Variants in UTP18 observed in about 807,000 individuals in gnomAD.
UTP18 encodes U3 small nucleolar RNA-associated protein 18 homolog.
UTP18 carries 36 observed loss-of-function variants against 61.1 expected under a neutral mutation model. That is an observed-to-expected ratio of 0.59 (90% CI 0.45 to 0.78). The LOEUF (loss-of-function observed/expected upper bound fraction) is 0.78. Ranked by LOEUF, UTP18 falls within the 30% of genes least tolerant of loss-of-function variation. The pLI, the probability that UTP18 is intolerant of heterozygous loss-of-function variation, is 0.00. For missense variants in UTP18, 753 were observed against 693.9 expected (o/e 1.09, Z -0.96); for synonymous variants, 282 against 251.1 (o/e 1.12, Z -1.16).
At position 51,288,054 on chromosome 17, in the gene UTP18, T is replaced by C. The variant is rs1327093511; in HGVS notation, c.1354T>C (p.Tyr452His). The C allele has an allele frequency of 6.3e-7, 1 of 1,595,558 alleles. No homozygotes were observed. The highest frequency in any genetic ancestry group is 8.5e-7 in the Non-Finnish European group (1 of 1,175,308). ...TTCTAATTGTGGAGTGGTAAATATA[T>C]ACAATCAAGATTCTTGTCTCCAAGA... ...CGSNCGVVNIYNQDSCLQETN... is the reference protein window; with the variant it reads ...CGSNCGVVNIHNQDSCLQETN... Residue 452 changes from tyrosine (Y) to histidine (H), a missense_variant, in exon 11 of 14, where the codon TAC becomes CAC. By Grantham distance (83) the Tyr-to-His change is moderately conservative. Coordinates refer to ENST00000225298, the MANE Select transcript of UTP18 (RefSeq NM_016001.3).
At chr17:51,260,970 G>A (rs1482827549) in intron 1 of UTP18, 44 bp downstream of exon 1, 4 of 1,424,052 alleles carry the variant, frequency 2.8e-6, no homozygotes, top group Non-Finnish European at 3.7e-6. Context: ...CTCGGGCGGG[G>A]CGCGCGGTGG....
chr17:51,273,225 A>C (rs1175904744), intron 4 of UTP18, 137 bp from the exon 5 acceptor site: 1 of 481,110 alleles, frequency 2.1e-6, no homozygotes, highest in East Asian at 3.6e-5. Flanking sequence ...TGCCAGTTGC[A>C]GCTTTAAAAA....
At chr17:51,285,828 A>G (rs1163807190) in intron 10 of UTP18, among the ~76,000 whole-genome samples, 2 of 152,238 alleles carry the variant, frequency 1.3e-5, no homozygotes, top group East Asian at 1.9e-4. Context: ...TGAGGCATCC[A>G]CTGGGGGTCT....
chr17:51,280,688 C>T (rs1017237776), intron 9 of UTP18, among the ~76,000 whole-genome samples: 5 of 152,058 alleles, frequency 3.3e-5, no homozygotes, highest in African/African-American at 1.2e-4. Flanking sequence ...TGGCATGGGC[C>T]TGTAGTCCCA....
rs916018287 is a variant in UTP18, at chr17:51,275,154, G to A, written c.712-712G>A. On this transcript the variant is annotated intron_variant, in intron 5 of 13. Coordinates refer to ENST00000225298, the MANE Select transcript of UTP18 (RefSeq NM_016001.3). ...AGAGGTTGTGGTGAGTCGAGATTACGCCATTGCCCTCCAGCCTGGGCAACA... is the reference window on the plus strand; with the variant it reads ...AGAGGTTGTGGTGAGTCGAGATTACACCATTGCCCTCCAGCCTGGGCAACA... Among the ~76,000 whole-genome samples, 4 of 148,960 alleles carry A rather than the reference G, an allele frequency of 2.7e-5. No individual in the cohort carries two copies. In the South Asian group the frequency reaches 8.4e-4, roughly 31 times the overall value.
At chr17:51,283,092 C>G (rs1041027885) in intron 9 of UTP18, among the ~76,000 whole-genome samples, 3 of 151,532 alleles carry the variant, frequency 2.0e-5, no homozygotes, top group Admixed American at 2.0e-4. Flanking sequence ...TGGTCTCGAA[C>G]TCCTGAGCTC....
rs766635231 is a variant in UTP18 at position 51,268,007 on chromosome 17, G to GTTTTTTTTTT, written c.555-824_555-823insTTTTTTTTTT. Among the ~76,000 whole-genome samples the GTTTTTTTTTT allele has an allele frequency of 2.4e-4, 31 of 130,594 alleles. 1 individual carries two copies. The highest frequency in any genetic ancestry group is 7.9e-4 in the African/African-American group (26 of 33,060). The allele number at this position is 130,594 out of a possible 152,430, so 85.7% of individuals were successfully genotyped here. On this transcript the variant is annotated intron_variant, in intron 3 of 13. Coordinates refer to ENST00000225298, the MANE Select transcript of UTP18 (RefSeq NM_016001.3). ...ACCAGTTGTTGTTTTTTTGTTTTTT[G>GTTTTTTTTTT]TTTTTTGTTTTTTTTTTTTTGAGAT...
At chr17:51,294,549 A>G (rs371456213) in intron 12 of UTP18, among the ~76,000 whole-genome samples, 6 of 152,156 alleles carry the variant, frequency 3.9e-5, no homozygotes, top group Non-Finnish European at 5.9e-5. Context: ...TTATGGCTGC[A>G]TAGTATTCCA....
intron 9 of UTP18, among the ~76,000 whole-genome samples, chr17:51,284,029 CT>C (rs1382879118): frequency 1.3e-5 from 2 of 152,220 alleles, no homozygotes; most frequent in Non-Finnish European, 2.9e-5. Context: ...AGAGACTAAT[CT>C]TTAAAACACT....
At position 51,272,043 on chromosome 17, in the gene UTP18, A is replaced by G. The variant is rs1035076773; in HGVS notation, c.623-1319A>G. Among the ~76,000 whole-genome samples, 26 of 152,024 alleles carry G rather than the reference A, an allele frequency of 1.7e-4. 1 individual carries two copies. The highest frequency in any genetic ancestry group is 5.3e-4 in the African/African-American group (22 of 41,398). The stretch of plus-strand genomic sequence containing the variant: ...TTCAAATATTCTACATTTCTGGCTC[A>G]ATTTTGAATCTTGTCTTTCATTCTT... On this transcript the variant is annotated intron_variant, in intron 4 of 13. Transcript: ENST00000225298.
Position 51,260,786 on chromosome 17 carries a change from G to A in UTP18, c.202G>A (p.Glu68Lys), listed in dbSNP as rs2055436249. 1.9e-6 allele frequency: 3 copies of A among 1,579,176 alleles called. No homozygotes were observed. The highest frequency in any genetic ancestry group is 2.6e-6 in the Non-Finnish European group (3 of 1,164,002). Residue 68 changes from glutamate (E) to lysine (K), a missense_variant, in exon 1 of 14, where the codon GAA (glutamate) becomes AAA (lysine). Glu to Lys is a moderately conservative substitution (Grantham distance 56). Coordinates refer to ENST00000225298, the MANE Select transcript of UTP18 (RefSeq NM_016001.3). ...TGCGATTGCAGTCGCGGCGGCGGAG[G>A]AAGAGAGACGGCTCCGGCAGCGGAA... is the stretch of plus-strand genomic sequence containing the variant. Reference protein sequence around the residue: ...AAAIAVAAAEEERRLRQRNRL... With the variant: ...AAAIAVAAAEKERRLRQRNRL...
intron 9 of UTP18, among the ~76,000 whole-genome samples, chr17:51,281,838 A>C (rs920044495): frequency 6.6e-6 from 1 of 152,260 alleles, no homozygotes; most frequent in Non-Finnish European, 1.5e-5. Flanking sequence ...TAAAAAGATA[A>C]GGCAGACATT....
At chr17:51,293,500 TTG>T (rs1391672239) in intron 11 of UTP18, among the ~76,000 whole-genome samples, 6 of 79,264 alleles carry the variant, frequency 7.6e-5, no homozygotes, top group South Asian at 6.1e-4. Flanking sequence ...ACATGAGTTG[TTG>T]TTTTTTTTTT....
intron 11 of UTP18, among the ~76,000 whole-genome samples, chr17:51,291,475 C>T (rs1371218770): frequency 6.6e-6 from 1 of 152,110 alleles, no homozygotes; most frequent in African/African-American, 2.4e-5. Flanking sequence ...GTGGCCCACA[C>T]CTTAATCCCA....
At chr17:51,275,721 G>GT (rs1019979391) in intron 5 of UTP18, 145 bp from the exon 6 acceptor site, 54,675 of 629,914 alleles carry the variant, frequency 0.087, 6 homozygotes, top group East Asian at 0.11. Context: ...TTTGTTTTTT[G>GT]TTTTTTTTTT....
chr17:51,270,731 T>A (rs1002370548), intron 4 of UTP18, among the ~76,000 whole-genome samples: 5 of 152,218 alleles, frequency 3.3e-5, no homozygotes, highest in Admixed American at 2.0e-4. Flanking sequence ...CAGGATACTT[T>A]TGCCTACATT....
chr17:51,277,783 A>G (rs952233580), intron 7 of UTP18, among the ~76,000 whole-genome samples: 3 of 152,236 alleles, frequency 2.0e-5, no homozygotes, highest in Admixed American at 2.0e-4. Context: ...AGAATGAACT[A>G]CTTAAAAAAT....
chr17:51,287,697 A>AG (rs1905151620), intron 10 of UTP18, among the ~76,000 whole-genome samples: 1 of 152,208 alleles, frequency 6.6e-6, no homozygotes, highest in Non-Finnish European at 1.5e-5. Flanking sequence ...GGAGTAAATG[A>AG]GATGAATGAG....
intron 10 of UTP18, among the ~76,000 whole-genome samples, chr17:51,286,304 C>G (rs1905112815): frequency 6.6e-6 from 1 of 152,168 alleles, no homozygotes; most frequent in African/African-American, 2.4e-5. Context: ...TACTAAACCA[C>G]TAATTAGAAC....
Sources: allele counts gnomAD v4.1 joint callset (sites outside exome capture counted in the v4.1 genomes callset), GRCh38; gene constraint gnomAD v4.1.1; transcripts MANE v1.5; gene names NCBI Gene and HGNC (gene_info 2026-07-23, HGNC 2026-07-21).